Variants in STAB2 observed in about 807,000 individuals in gnomAD.
The protein encoded by STAB2 is stabilin-2.
In STAB2, 288 loss-of-function variants were observed where a neutral mutation model predicts 338.1. The ratio of observed to expected loss-of-function variants is 0.85; its 90% CI spans 0.77 to 0.94. The LOEUF (loss-of-function observed/expected upper bound fraction) is 0.94, where lower values mean the gene tolerates loss of function less well. STAB2 is among the 40% of genes least tolerant of loss of function. The pLI is 0.00. For missense variants in STAB2, 3,141 were observed against 3,210.1 expected, an observed-to-expected ratio of 0.98 and a Z score of 0.52; for synonymous variants, 1,202 against 1,193.3, an observed-to-expected ratio of 1.01 and a Z score of -0.15.
In STAB2 at chr12:103,669,733, A is replaced by C. The variant is rs998054020; in HGVS notation, c.2259+106A>C. The C allele has an allele frequency of 5.1e-6, 5 of 975,174 alleles. No individual in the cohort carries two copies. In the African/African-American group the frequency reaches 8.1e-5, roughly 16 times the overall value. 60.4% of individuals were successfully genotyped at this position (975,174 alleles called of 1,614,324 possible). ...CCAGCTACTCTTCCCAGGAAGCAAAAGAAATGACCCCTTACTAAAAGAACA... is the reference window on the plus strand; with the variant it reads ...CCAGCTACTCTTCCCAGGAAGCAAACGAAATGACCCCTTACTAAAAGAACA... On this transcript the variant is annotated intron_variant, in intron 21 of 68. Coordinates refer to ENST00000388887, the MANE Select transcript of STAB2 (RefSeq NM_017564.10).
Position 103,587,332 on chromosome 12 carries a change from G to A in STAB2, c.-145G>A, listed in dbSNP as rs1020351786. On this transcript the variant is annotated 5_prime_UTR_variant, in exon 1 of 69. Transcript: ENST00000388887. ...GAAGGCAGGTCTCACCTATCTCCTGGTTCGATCTAGGAAAAAGGAAAGGAA... is the reference window on the plus strand; with the variant it reads ...GAAGGCAGGTCTCACCTATCTCCTGATTCGATCTAGGAAAAAGGAAAGGAA... 2 of 707,794 alleles carry A rather than the reference G, an allele frequency of 2.8e-6. No individual in the cohort carries two copies. The highest frequency in any genetic ancestry group is 3.6e-5 in the African/African-American group (2 of 55,612). 43.8% of individuals were successfully genotyped at this position (707,794 alleles called of 1,614,324 possible).
intron 5 of STAB2, among the ~76,000 whole-genome samples, chr12:103,624,658 G>A (rs764277047): frequency 6.6e-6 from 1 of 152,132 alleles, no homozygotes; most frequent in Admixed American, 6.5e-5. Context: ...ACAGATATTG[G>A]AGCTGGGCTC....
At chr12:103,740,824 TTGAA>T (rs1882526812) in intron 55 of STAB2, 68 bp downstream of exon 55, 1 of 1,489,986 alleles carries the variant, frequency 6.7e-7, no homozygotes. Context: ...TGTCCAGTCT[TTGAA>T]TGTACCAAAA....
chr12:103,627,155 G>A (rs1660374288), intron 5 of STAB2, among the ~76,000 whole-genome samples: 3 of 152,182 alleles, frequency 2.0e-5, no homozygotes, highest in African/African-American at 7.2e-5. Flanking sequence ...TGGGGGCAGA[G>A]GCAGGATTTG....
chr12:103,637,030 TA>T, intron 6 of STAB2, 80 bp from the exon 7 acceptor site: 1 of 1,413,180 alleles, frequency 7.1e-7, no homozygotes. Context: ...TGCTTTTTAA[TA>T]AAAGGGAATA....
intron 42 of STAB2, 107 bp from the exon 43 acceptor site, chr12:103,715,708 C>T: frequency 2.4e-6 from 3 of 1,248,996 alleles, no homozygotes; most frequent in South Asian, 2.6e-5. Flanking sequence ...CATGCTTTGA[C>T]ACCCGCTCCC....
intron 11 of STAB2, among the ~76,000 whole-genome samples, chr12:103,651,269 C>T (rs1873718202): frequency 6.6e-6 from 1 of 151,968 alleles, no homozygotes; most frequent in East Asian, 1.9e-4. Flanking sequence ...CTTTCTCCCT[C>T]CCACCTTTAC....
At chr12:103,689,012 T>G (rs1184118512) in intron 28 of STAB2, among the ~76,000 whole-genome samples, 1 of 20,702 alleles carries the variant, frequency 4.8e-5, no homozygotes, top group Non-Finnish European at 9.7e-5. Context: ...GTCTTTTGGT[T>G]TTTTTTTTTC....
intron 9 of STAB2, among the ~76,000 whole-genome samples, chr12:103,644,975 G>T (rs909082622): frequency 6.6e-6 from 1 of 151,966 alleles, no homozygotes; most frequent in Non-Finnish European, 1.5e-5. Context: ...AATAAAATAA[G>T]AAATAAAAAA....
At position 103,673,901 on chromosome 12, in the gene STAB2, T is replaced by C; in HGVS notation, c.2372-6T>C. On this transcript the variant is annotated splice_polypyrimidine_tract_variant and splice_region_variant and intron_variant, in intron 22 of 68. Transcript: ENST00000388887. The stretch of plus-strand genomic sequence containing the variant: ...TGGACGGATGTCCCTCCTCCTCCTC[T>C]TTCAGAATGCCTGTGCGTTCACGGA... The C allele has an allele frequency of 6.2e-7, 1 of 1,607,520 alleles. No individual in the cohort carries two copies. Among genetic ancestry groups the C allele is most frequent in the Non-Finnish European group, 8.5e-7 (1 of 1,174,798 alleles).
intron 40 of STAB2, 51 bp downstream of exon 40, chr12:103,711,567 CA>C (rs752173441): frequency 2.5e-6 from 4 of 1,598,054 alleles, no homozygotes; most frequent in Non-Finnish European, 3.4e-6. Flanking sequence ...GATTTTTTCC[CA>C]ATATTGTCTA....
rs879158703 is a variant in STAB2, at chr12:103,742,641, G to A, written c.6031+87G>A. On this transcript the variant is annotated intron_variant, in intron 56 of 68. Coordinates refer to ENST00000388887, the MANE Select transcript of STAB2 (RefSeq NM_017564.10). ...TTCATGCCATCTGCCTGACCTGGAGGCATCCTTTTGTCCTTTCTCTCAGCC... is the reference window on the plus strand; with the variant it reads ...TTCATGCCATCTGCCTGACCTGGAGACATCCTTTTGTCCTTTCTCTCAGCC... The A allele has an allele frequency of 4.1e-5, 64 of 1,578,540 alleles. No individual in the cohort carries two copies. In the South Asian group the frequency reaches 7.2e-4, roughly 18 times the overall value.
Position 103,746,094 on chromosome 12 carries a change from CT to C in STAB2, c.6137-502del, listed in dbSNP as rs549508423. On this transcript the variant is annotated intron_variant, in intron 57 of 68. Transcript: ENST00000388887. ...TATGGCTAACTTGAGTTCCTCCTCC[CT>C]GTTCCTTCTGCCTCCTCCCTCCTCC... Among the ~76,000 whole-genome samples, 140 of 152,288 alleles carry C rather than the reference CT, an allele frequency of 9.2e-4. 1 individual carries two copies. Among genetic ancestry groups the C allele is most frequent in the Middle Eastern group, 6.8e-3 (2 of 294 alleles).
intron 25 of STAB2, among the ~76,000 whole-genome samples, chr12:103,678,939 A>G (rs1354333932): frequency 6.6e-6 from 1 of 152,202 alleles, no homozygotes; most frequent in Non-Finnish European, 1.5e-5. Flanking sequence ...GTGATGGAAC[A>G]TCGGTCCTGC....
chr12:103,601,675 G>T (rs1956956488), intron 3 of STAB2, among the ~76,000 whole-genome samples: 1 of 152,210 alleles, frequency 6.6e-6, no homozygotes, highest in Admixed American at 6.5e-5. Context: ...ATGGCTATTT[G>T]AACCTGAAGA....
At chr12:103,745,879 C>G (rs954202206) in intron 57 of STAB2, among the ~76,000 whole-genome samples, 1 of 152,178 alleles carries the variant, frequency 6.6e-6, no homozygotes, top group African/African-American at 2.4e-5. Flanking sequence ...TGCCATAGCT[C>G]GATCCTTACT....
intron 9 of STAB2, among the ~76,000 whole-genome samples, chr12:103,646,860 T>C (rs1873373027): frequency 6.6e-6 from 1 of 152,028 alleles, no homozygotes; most frequent in African/African-American, 2.4e-5. Context: ...GTAGTTCTGG[T>C]GGATAGGGTT....
chr12:103,763,892 C>T (rs918159186), intron 68 of STAB2: 8 of 271,198 alleles, frequency 2.9e-5, no homozygotes, highest in Admixed American at 2.1e-4. Flanking sequence ...TGAGATGCCA[C>T]AGTGAAAAAA....
At chr12:103,760,212 G>A (rs370092961) in intron 65 of STAB2, among the ~76,000 whole-genome samples, 2 of 152,168 alleles carry the variant, frequency 1.3e-5, no homozygotes, top group South Asian at 4.1e-4. Context: ...CGTTTCTCAA[G>A]TGACTTCTGC....
Sources: allele counts gnomAD v4.1 joint callset (sites outside exome capture counted in the v4.1 genomes callset), GRCh38; gene constraint gnomAD v4.1.1; transcripts MANE v1.5; gene names NCBI Gene and HGNC (gene_info 2026-07-23, HGNC 2026-07-21).